BICD1: variants seen among roughly 807,000 people sequenced by gnomAD.
BICD1 encodes protein bicaudal D homolog 1.
Under a neutral mutation model 92.5 loss-of-function variants are expected in BICD1, and 35 were observed. The ratio of observed to expected loss-of-function variants is 0.38; its 90% CI spans 0.29 to 0.50. BICD1 has a LOEUF of 0.50. Ranked by LOEUF, BICD1 falls within the 20% of genes least tolerant of loss-of-function variation. The pLI, the probability that BICD1 is intolerant of heterozygous loss-of-function variation, is 0.93. For missense variants in BICD1, 950 were observed against 1,189.8 expected (o/e 0.80, Z 2.97); for synonymous variants, 429 against 465.1 (o/e 0.92, Z 1.00).
At chr12:32,126,587 T>C (rs1003219756) in intron 1 of BICD1, among the ~76,000 whole-genome samples, 13 of 152,034 alleles carry the variant, frequency 8.6e-5, no homozygotes, top group Non-Finnish European at 1.6e-4. Context: ...TGAAACCTTG[T>C]TTCTACTAAA....
chr12:32,141,904 C>T (rs1246403517), intron 1 of BICD1, among the ~76,000 whole-genome samples: 2 of 152,274 alleles, frequency 1.3e-5, no homozygotes, highest in Admixed American at 6.5e-5. Context: ...TGTTTCTCCC[C>T]AGAGCCTAGC....
At chr12:32,350,286 C>A (rs1002289179) in intron 8 of BICD1, among the ~76,000 whole-genome samples, 1 of 151,994 alleles carries the variant, frequency 6.6e-6, no homozygotes, top group Non-Finnish European at 1.5e-5. Flanking sequence ...AGTTCAAGAC[C>A]AGCCTGGGCA....
chr12:32,339,031 C>G, intron 8 of BICD1, 52 bp downstream of exon 8: 1 of 1,505,350 alleles, frequency 6.6e-7, no homozygotes, highest in Non-Finnish European at 8.8e-7. Flanking sequence ...GTTGAATAGA[C>G]TCTCCCCTTC....
At position 32,337,796 on chromosome 12, in the gene BICD1, C is replaced by T; in HGVS notation, c.2550C>T (p.Ser850=). Residue 850 remains serine (S), a synonymous_variant, in exon 7 of 10, where the codon AGC becomes AGT. Transcript: ENST00000652176. This position sits in a 1 kb window ranked among gnomAD's most constrained non-coding sequence, Gnocchi z 4.7. Reference sequence around the variant, plus strand: ...CACAGACACCCAACATTCGGGTCAGCAGTGGCACTCAGAGGAAAAGGTATG... The same window carrying T: ...CACAGACACCCAACATTCGGGTCAGTAGTGGCACTCAGAGGAAAAGGTATG... ...QGPQTPNIRV[S]SGTQRKRQFS... 6.2e-7 allele frequency: 1 copy of T among 1,614,170 alleles called. No individual in the cohort carries two copies. The highest frequency in any genetic ancestry group is 8.5e-7 in the Non-Finnish European group (1 of 1,180,028).
chr12:32,364,511 A>G (rs1939453829), intron 8 of BICD1, among the ~76,000 whole-genome samples: 1 of 152,258 alleles, frequency 6.6e-6, no homozygotes, highest in African/African-American at 2.4e-5. Context: ...GAGAAGAGGG[A>G]TTTAGAAGAC....
rs540202550 is a variant in BICD1 at position 32,378,624 on chromosome 12, C to A, written c.*997C>A. ...CTTTCCTGATAAAAGGTATCAAGTA[C>A]AAATGGGAAAATATATACATATATA... On this transcript the variant is annotated 3_prime_UTR_variant, in exon 10 of 10. Transcript: ENST00000652176. The A allele has an allele frequency of 2.0e-5, 3 of 152,160 alleles. No individual in the cohort carries two copies. Among genetic ancestry groups the A allele is most frequent in the Non-Finnish European group, 4.4e-5 (3 of 68,002 alleles). 9.4% of individuals were successfully genotyped at this position (152,160 alleles called of 1,614,324 possible).
intron 9 of BICD1, among the ~76,000 whole-genome samples, chr12:32,370,359 G>GA (rs112090333): frequency 0.11 from 13,698 of 123,854 alleles, 729 homozygotes; most frequent in Middle Eastern, 0.17. Flanking sequence ...GAGCAAAAAA[G>GA]AAAAAAAAAA....
intron 2 of BICD1, 37 bp from the exon 3 acceptor site, chr12:32,293,957 G>A (rs772826234): frequency 1.9e-6 from 3 of 1,580,976 alleles, no homozygotes; most frequent in East Asian, 2.3e-5. Context: ...TCTACAATAA[G>A]AGAGTTATAT....
intron 1 of BICD1, among the ~76,000 whole-genome samples, chr12:32,144,592 A>G (rs9651846): frequency 0.22 from 34,039 of 152,174 alleles, 3,871 homozygotes; most frequent in South Asian, 0.33. Flanking sequence ...TCACCAGGAC[A>G]TGTGATACAG....
chr12:32,317,973 T>A (rs1334213896), intron 4 of BICD1, among the ~76,000 whole-genome samples: 1 of 151,916 alleles, frequency 6.6e-6, no homozygotes, highest in African/African-American at 2.4e-5. Context: ...TAGGGAATCC[T>A]TTCCCCATTG....
chr12:32,126,255 A>G (rs1049681681), intron 1 of BICD1, among the ~76,000 whole-genome samples: 2 of 151,954 alleles, frequency 1.3e-5, no homozygotes, highest in Non-Finnish European at 2.9e-5. Flanking sequence ...GGTGGGAAAA[A>G]TTGTATACCT....
intron 2 of BICD1, among the ~76,000 whole-genome samples, chr12:32,275,677 C>T (rs978648809): frequency 1.3e-5 from 2 of 152,008 alleles, no homozygotes; most frequent in Non-Finnish European, 2.9e-5. Flanking sequence ...GTCGCAGACC[C>T]GCCGCTGATT....
intron 2 of BICD1, among the ~76,000 whole-genome samples, chr12:32,269,800 G>A (rs1947088277): frequency 6.6e-6 from 1 of 152,066 alleles, no homozygotes; most frequent in South Asian, 2.1e-4. Context: ...TTTTGGCCTG[G>A]TAATATCTCG....
chr12:32,114,281 T>C (rs745728775), intron 1 of BICD1, among the ~76,000 whole-genome samples: 2 of 152,234 alleles, frequency 1.3e-5, no homozygotes, highest in Admixed American at 6.5e-5. Flanking sequence ...GTGTGGAGAT[T>C]ACAGGCATGA....
At chr12:32,131,633 G>C (rs778173827) in intron 1 of BICD1, among the ~76,000 whole-genome samples, 1 of 152,200 alleles carries the variant, frequency 6.6e-6, no homozygotes, top group Admixed American at 6.5e-5. Flanking sequence ...TGCACAAAAA[G>C]GGGAACTTGG....
chr12:32,172,779 G>A lies in BICD1; in HGVS notation c.214-43468G>A, dbSNP rs990204191. ...TGCCAGGCACAGTTCCAGAACTGGG[G>A]ATCCACTGCTAAATAAGACTGATAA... On this transcript the variant is annotated intron_variant, in intron 1 of 9. Coordinates refer to ENST00000652176, the MANE Select transcript of BICD1 (RefSeq NM_001714.4). Among the ~76,000 whole-genome samples the A allele has an allele frequency of 5.3e-5, 8 of 152,184 alleles. No individual in the cohort carries two copies. In the South Asian group the frequency reaches 1.7e-3, roughly 32 times the overall value.
intron 2 of BICD1, among the ~76,000 whole-genome samples, chr12:32,272,387 A>C (rs942897071): frequency 6.6e-6 from 1 of 152,256 alleles, no homozygotes; most frequent in African/African-American, 2.4e-5. Context: ...GTGTGCATTC[A>C]TCTAAAGACA....
At chr12:32,156,253 A>G (rs554089326) in intron 1 of BICD1, among the ~76,000 whole-genome samples, 1 of 152,290 alleles carries the variant, frequency 6.6e-6, no homozygotes, top group Non-Finnish European at 1.5e-5. Context: ...GGCACGCTAC[A>G]GTTCAGGCAG....
intron 4 of BICD1, among the ~76,000 whole-genome samples, chr12:32,323,599 AAT>A (rs1182977043): frequency 6.6e-6 from 1 of 152,224 alleles, no homozygotes; most frequent in Non-Finnish European, 1.5e-5. Context: ...CTGCAGCCAT[AAT>A]ATATAATTTG....
Sources: allele counts gnomAD v4.1 joint callset (sites outside exome capture counted in the v4.1 genomes callset), GRCh38; gene constraint gnomAD v4.1.1; non-coding constraint Gnocchi (gnomAD v3.1); transcripts MANE v1.5; gene names NCBI Gene and HGNC (gene_info 2026-07-23, HGNC 2026-07-21).